The following LRPPRC variants were observed in gnomAD, a reference collection of about 807,000 sequenced individuals.
LRPPRC encodes the protein leucine-rich PPR motif-containing protein, mitochondrial.
A neutral mutation model predicts 180.3 loss-of-function variants in LRPPRC; 120 were observed. The ratio of observed to expected loss-of-function variants is 0.67; its 90% CI spans 0.57 to 0.77. The LOEUF (loss-of-function observed/expected upper bound fraction) is 0.77. Among genes scored for constraint, LRPPRC ranks in the 30% least tolerant of loss-of-function variants. LRPPRC has a pLI of 0.00. For synonymous variants in LRPPRC, 723 were observed against 600.0 expected, an observed-to-expected ratio of 1.21 and a Z score of -3.00; for missense variants, 2,012 against 1,657.2, an observed-to-expected ratio of 1.21 and a Z score of -3.72.
intron 27 of LRPPRC, among the ~76,000 whole-genome samples, chr2:43,922,361 A>T (rs758377157): frequency 2.6e-4 from 40 of 152,212 alleles, no homozygotes; most frequent in Non-Finnish European, 4.6e-4. Flanking sequence ...TTAAGTGTGT[A>T]TTAAGTATGT....
chr2:43,974,572 G>A (rs759504243), intron 8 of LRPPRC, 42 bp downstream of exon 8: 1 of 1,347,892 alleles, frequency 7.4e-7, no homozygotes, highest in Non-Finnish European at 1.0e-6. Context: ...TAGCAATTCA[G>A]ATTTTTATAA....
At chr2:43,986,023 CATT>C (rs754630965) in intron 1 of LRPPRC, among the ~76,000 whole-genome samples, 49 of 152,288 alleles carry the variant, frequency 3.2e-4, no homozygotes, top group South Asian at 6.2e-4. Context: ...AGTGGTATCT[CATT>C]GTTGTTTTAA....
rs774979186 is a variant in LRPPRC, at chr2:43,896,630, G to A, written c.3900+4C>T. 3.1e-6 allele frequency: 5 copies of A among 1,597,110 alleles called. No homozygotes were observed. The highest frequency in any genetic ancestry group is 4.3e-6 in the Non-Finnish European group (5 of 1,164,852). On this transcript the variant is annotated splice_donor_region_variant and intron_variant, in intron 35 of 37. Coordinates refer to ENST00000260665, the MANE Select transcript of LRPPRC (RefSeq NM_133259.4). ...TTGATTTGTAAGCAGGTAAAGCACA[G>A]TACCTTTCCTTGTTTCCTAGAATTC...
At chr2:43,928,335 T>C (rs1212339649) in intron 25 of LRPPRC, among the ~76,000 whole-genome samples, 4 of 152,186 alleles carry the variant, frequency 2.6e-5, no homozygotes, top group Admixed American at 6.5e-5. Flanking sequence ...CTAGTAAAAA[T>C]AGATATCCAA....
intron 30 of LRPPRC, among the ~76,000 whole-genome samples, chr2:43,912,203 T>A (rs1309334013): frequency 6.6e-6 from 1 of 152,202 alleles, no homozygotes; most frequent in African/African-American, 2.4e-5. Context: ...TGTGATGGAA[T>A]ATAACTTAGT....
intron 1 of LRPPRC, among the ~76,000 whole-genome samples, chr2:43,987,387 C>T (rs1341354536): frequency 6.8e-5 from 10 of 146,638 alleles, no homozygotes; most frequent in Non-Finnish European, 1.0e-4. Context: ...CCCAGCTACT[C>T]AGGAAGCTGA....
At chr2:43,893,461 A>G (rs558543753) in intron 36 of LRPPRC, among the ~76,000 whole-genome samples, 107 of 152,356 alleles carry the variant, frequency 7.0e-4, no homozygotes, top group African/African-American at 2.5e-3. Flanking sequence ...CTGATCATTC[A>G]GCAGCCATCA....
rs886056065 is a variant in LRPPRC at position 43,995,940 on chromosome 2, G to C, written c.8C>G (p.Ala3Gly). MA[A>G]LLRSARWLLR... ...CAACCAACGCGCGGATCTCAGCAGGGCTGCCATTGCTCGAACGTCCCCGCA... is the reference window on the plus strand; with the variant it reads ...CAACCAACGCGCGGATCTCAGCAGGCCTGCCATTGCTCGAACGTCCCCGCA... Residue 3 changes from alanine to glycine, a missense_variant, in exon 1 of 38, where the codon GCC becomes GGC. Coordinates refer to ENST00000260665, the MANE Select transcript of LRPPRC (RefSeq NM_133259.4). The C allele has an allele frequency of 6.6e-7, 1 of 1,526,186 alleles. No individual in the cohort carries two copies. The highest frequency in any genetic ancestry group is 8.7e-7 in the Non-Finnish European group (1 of 1,143,262). 94.5% of individuals were successfully genotyped at this position (1,526,186 alleles called of 1,614,324 possible).
intron 7 of LRPPRC, 70 bp downstream of exon 7, chr2:43,975,020 GC>G: frequency 1.3e-6 from 2 of 1,483,922 alleles, no homozygotes; most frequent in Non-Finnish European, 1.9e-6. Context: ...TCACTTTCCT[GC>G]CTCATGTAAA....
At chr2:43,924,583 T>C (rs4953038) in intron 27 of LRPPRC, among the ~76,000 whole-genome samples, 1 of 152,008 alleles carries the variant, frequency 6.6e-6, no homozygotes, top group Non-Finnish European at 1.5e-5. Context: ...AGAAAAATGT[T>C]TGTAATATAT....
At chr2:43,892,111 A>G (rs1415180604) in intron 36 of LRPPRC, among the ~76,000 whole-genome samples, 1 of 152,246 alleles carries the variant, frequency 6.6e-6, no homozygotes, top group Non-Finnish European at 1.5e-5. Flanking sequence ...CGAAAGTCCA[A>G]GGTGAAGCAG....
Position 43,918,043 on chromosome 2 carries a change from G to A in LRPPRC, c.3130C>T (p.Arg1044Ter), listed in dbSNP as rs1558936154. Residue 1044 changes from arginine (R) to a stop codon, truncating the protein, a stop_gained, in exon 29 of 38, where the codon CGA becomes TGA. Coordinates refer to ENST00000260665, the MANE Select transcript of LRPPRC (RefSeq NM_133259.4). LOFTEE classifies it high-confidence loss of function. ...DFQKDILIAC[R>*]LNQKKGAYDI... ...TGCTTGCCTTTTTTTTGGTTCAATC[G>A]GCAGGCAATCAATATATCTTTCTGG... 1 of 1,596,070 alleles carries A rather than the reference G, an allele frequency of 6.3e-7. No individual in the cohort carries two copies.
chr2:43,898,665 C>A, intron 34 of LRPPRC, among the ~76,000 whole-genome samples: 1 of 152,146 alleles, frequency 6.6e-6, no homozygotes. Flanking sequence ...GCCACAGAGA[C>A]CTGCATTTGT....
At chr2:43,978,158 C>G (rs1674141789) in intron 3 of LRPPRC, among the ~76,000 whole-genome samples, 1 of 152,186 alleles carries the variant, frequency 6.6e-6, no homozygotes, top group Non-Finnish European at 1.5e-5. Flanking sequence ...TCAGCCCCAT[C>G]TTACAGATAG....
chr2:43,982,692 T>C (rs1003519480), intron 1 of LRPPRC, among the ~76,000 whole-genome samples: 7 of 152,340 alleles, frequency 4.6e-5, no homozygotes, highest in Non-Finnish European at 7.4e-5. Flanking sequence ...GAACATGGAA[T>C]GATTTCAAAA....
intron 29 of LRPPRC, among the ~76,000 whole-genome samples, chr2:43,912,912 G>A (rs561157873): frequency 3.9e-5 from 6 of 151,986 alleles, no homozygotes; most frequent in Non-Finnish European, 7.4e-5. Context: ...AAAATAAATC[G>A]CAAAATGTGT....
rs1425119010 is a variant in LRPPRC at position 43,896,649 on chromosome 2, A to G, written c.3885T>C (p.Ser1295=). 2 of 1,609,652 alleles carry G rather than the reference A, an allele frequency of 1.2e-6. No homozygotes were observed. The highest frequency in any genetic ancestry group is 3.3e-5 in the Admixed American group (2 of 60,026). Residue 1295 remains serine, a synonymous_variant, in exon 35 of 38, where the codon TCT becomes TCC. Coordinates refer to ENST00000260665, the MANE Select transcript of LRPPRC (RefSeq NM_133259.4). The part of the protein sequence containing the change: ...PILLLFLLRN[S]RKQGKASTVK... ...AGCACAGTACCTTTCCTTGTTTCCT[A>G]GAATTCCTAAGGAGGAACAACAACA... is the stretch of plus-strand genomic sequence containing the variant.
At chr2:43,889,607 C>A (rs1399784972) in intron 37 of LRPPRC, 127 bp downstream of exon 37, 1 of 835,998 alleles carries the variant, frequency 1.2e-6, no homozygotes, top group African/African-American at 1.7e-5. Context: ...CAAGCCATCC[C>A]CTGAGGGCTC....
chr2:43,995,391 A>G (rs1674995692), intron 1 of LRPPRC, among the ~76,000 whole-genome samples: 1 of 152,152 alleles, frequency 6.6e-6, no homozygotes, highest in Admixed American at 6.5e-5. Context: ...TCCAATATCT[A>G]AATGCTAGGT....
Sources: allele counts gnomAD v4.1 joint callset (sites outside exome capture counted in the v4.1 genomes callset), GRCh38; gene constraint gnomAD v4.1.1; transcripts MANE v1.5; gene names NCBI Gene and HGNC (gene_info 2026-07-23, HGNC 2026-07-21).